Variants in SNRPN observed in about 807,000 individuals in gnomAD.
SNRPN encodes the protein small nuclear ribonucleoprotein polypeptide N, also known as small nuclear ribonucleoprotein-associated protein N.
In SNRPN, 7 loss-of-function variants were observed where a neutral mutation model predicts 25.2. That is an observed-to-expected ratio of 0.28 (90% confidence interval 0.16 to 0.52). The LOEUF is 0.52. SNRPN is among the 20% of genes least tolerant of loss of function. The pLI, the probability that SNRPN is intolerant of heterozygous loss-of-function variation, is 0.96. For missense variants in SNRPN, 196 were observed against 322.5 expected (o/e 0.61, Z 3.00); for synonymous variants, 124 against 110.6 (o/e 1.12, Z -0.76).
chr15:24,918,646 G>A (rs1216815692), intron 2 of SNRPN, among the ~76,000 whole-genome samples: 2 of 93,344 alleles, frequency 2.1e-5, no homozygotes, highest in African/African-American at 8.4e-5. Flanking sequence ...TAATATATAT[G>A]TGTGCATATA....
At chr15:24,918,560 CAT>C (rs1390269981) in intron 2 of SNRPN, among the ~76,000 whole-genome samples, 1 of 73,626 alleles carries the variant, frequency 1.4e-5, no homozygotes, top group South Asian at 4.2e-4. Flanking sequence ...GTATATATAA[CAT>C]AATATATATG....
At chr15:24,867,493 G>T (rs2054683525) in intron 1 of SNRPN, among the ~76,000 whole-genome samples, 1 of 151,956 alleles carries the variant, frequency 6.6e-6, no homozygotes, top group African/African-American at 2.4e-5. Flanking sequence ...TCCTGCCTCA[G>T]CCTCCCGAGT....
intron 1 of SNRPN, among the ~76,000 whole-genome samples, chr15:24,863,369 G>A (rs1053757196): frequency 6.6e-6 from 1 of 150,636 alleles, no homozygotes; most frequent in African/African-American, 2.5e-5. Flanking sequence ...TTTCAGTCAA[G>A]GTTGGCAGGG....
Position 24,916,163 on chromosome 15 carries a change from C to T in SNRPN, c.-504-3848C>T, listed in dbSNP as rs541759026. Reference sequence around the variant, plus strand: ...TTTAGTAGATAATGGGGTTTCACTACGTGGGCCGGGCTAGTCTTGAACTCC... The same window carrying T: ...TTTAGTAGATAATGGGGTTTCACTATGTGGGCCGGGCTAGTCTTGAACTCC... On this transcript the variant is annotated intron_variant, in intron 2 of 11. Coordinates refer to the SNRPN transcript ENST00000400097. 1.5e-4 allele frequency among the ~76,000 whole-genome samples: 23 copies of T among 151,966 alleles called. No homozygotes were observed. In the South Asian group the frequency reaches 4.6e-3, roughly 30 times the overall value.
chr15:24,918,437 T>C (rs1372456679), intron 2 of SNRPN, among the ~76,000 whole-genome samples: 1 of 127,476 alleles, frequency 7.8e-6, no homozygotes, highest in African/African-American at 2.9e-5. Flanking sequence ...TAACATAATA[T>C]ATATGTGTAT....
At chr15:24,889,611 C>A (rs147570586) in intron 2 of SNRPN, among the ~76,000 whole-genome samples, 1,867 of 152,086 alleles carry the variant, frequency 0.012, 30 homozygotes, top group Non-Finnish European at 0.017. Context: ...GGCCCTAACA[C>A]GAATTCTTAA....
At chr15:24,970,784 C>G (rs78549628) in intron 3 of SNRPN, among the ~76,000 whole-genome samples, 1 of 152,132 alleles carries the variant, frequency 6.6e-6, no homozygotes, top group Non-Finnish European at 1.5e-5. Flanking sequence ...ATTAGTTTCT[C>G]AGTACCACCC....
chr15:24,893,689 A>G (rs1483210183), intron 2 of SNRPN, among the ~76,000 whole-genome samples: 1 of 127,850 alleles, frequency 7.8e-6, no homozygotes, highest in Non-Finnish European at 1.6e-5. Flanking sequence ...TCCTGATAGT[A>G]CATTCCCATT....
At chr15:24,962,312 A>G in intron 2 of SNRPN, 103 bp downstream of exon 2, 2 of 897,654 alleles carry the variant, frequency 2.2e-6, no homozygotes, top group Non-Finnish European at 3.6e-6. Flanking sequence ...TAATTGAAGA[A>G]GCAGACACAT....
intron 2 of SNRPN, among the ~76,000 whole-genome samples, chr15:24,831,217 C>G (rs892113996): frequency 2.6e-5 from 4 of 152,014 alleles, no homozygotes. Flanking sequence ...CCTGTATTTA[C>G]ATTACATTCT....
At chr15:24,848,385 A>T (rs1230384537) in intron 2 of SNRPN, 1 of 152,230 alleles carries the variant, frequency 6.6e-6, no homozygotes, top group Non-Finnish European at 1.5e-5. Flanking sequence ...GCCCGCTGGG[A>T]GTGTCTTATC....
upstream of SNRPN, among the ~76,000 whole-genome samples, chr15:24,854,225 C>T (rs1409974562): frequency 1.3e-5 from 2 of 152,118 alleles, no homozygotes; most frequent in African/African-American, 2.4e-5. Context: ...CTTTTAACAG[C>T]CCCACCTTTT....
At chr15:24,834,513 G>C (rs1482609020) in intron 2 of SNRPN, among the ~76,000 whole-genome samples, 1 of 151,916 alleles carries the variant, frequency 6.6e-6, no homozygotes, top group Admixed American at 6.6e-5. Context: ...CAGATGCACA[G>C]TGTGAAAATA....
At chr15:24,879,572 A>T (rs776601080) in intron 1 of SNRPN, among the ~76,000 whole-genome samples, 1 of 152,226 alleles carries the variant, frequency 6.6e-6, no homozygotes, top group African/African-American at 2.4e-5. Flanking sequence ...TCAAAGCAGC[A>T]ATTAGTGGCG....
intron 4 of SNRPN, chr15:24,974,971 A>G (rs1190876592): frequency 1.4e-6 from 1 of 703,022 alleles, no homozygotes; most frequent in Admixed American, 2.0e-5. Flanking sequence ...AGATTACAAT[A>G]GAAATAAAGA....
chr15:24,864,003 A>T lies in SNRPN; in HGVS notation c.-579+7287A>T, dbSNP rs903891682. 1.4e-5 allele frequency among the ~76,000 whole-genome samples: 2 copies of T among 146,566 alleles called. 1 individual carries two copies. Among genetic ancestry groups the T allele is most frequent in the African/African-American group, 5.1e-5 (2 of 39,164 alleles). On this transcript the variant is annotated intron_variant, in intron 1 of 11. Coordinates refer to the SNRPN transcript ENST00000400097. ...AGATGTTTTTTCTTTTTTAAATTTT[A>T]TTTATTTATTTATTTTTATTTTATT...
At chr15:24,932,997 C>T (rs933670847) in intron 3 of SNRPN, among the ~76,000 whole-genome samples, 10 of 152,130 alleles carry the variant, frequency 6.6e-5, no homozygotes, top group African/African-American at 2.4e-4. Context: ...GCATGGAGCT[C>T]ATGCATGTAA....
rs1304573280 is a variant in SNRPN at position 24,835,135 on chromosome 15, T to G, written c.-579+5230T>G. Among the ~76,000 whole-genome samples the G allele has an allele frequency of 3.2e-5, 2 of 61,794 alleles. 1 individual carries two copies. The highest frequency in any genetic ancestry group is 6.6e-5 in the Non-Finnish European group (2 of 30,140). 40.5% of individuals were successfully genotyped at this position (61,794 alleles called of 152,430 possible). A position where few individuals can be genotyped will look rare whatever the true frequency, so the allele number is the denominator to read the frequency against. ...TATATCTATATATAAAATATATAGA[T>G]ATATATACTATATATAAAATATATA... On this transcript the variant is annotated intron_variant, in intron 2 of 12. Coordinates refer to the SNRPN transcript ENST00000400100.
intron 3 of SNRPN, among the ~76,000 whole-genome samples, chr15:24,932,943 C>T (rs1385070465): frequency 6.6e-6 from 1 of 152,184 alleles, no homozygotes; most frequent in Non-Finnish European, 1.5e-5. Context: ...GCCCCCATGC[C>T]TGGCCAAGTC....
Sources: allele counts gnomAD v4.1 joint callset (sites outside exome capture counted in the v4.1 genomes callset), GRCh38; gene constraint gnomAD v4.1.1; transcripts MANE v1.5; gene names NCBI Gene and HGNC (gene_info 2026-07-23, HGNC 2026-07-21).